The following NRXN3 variants were observed in gnomAD, a reference collection of about 807,000 sequenced individuals.
The protein encoded by NRXN3 is neurexin 3.
Under a neutral mutation model 137.6 loss-of-function variants are expected in NRXN3, and 32 were observed. That is an observed-to-expected ratio of 0.23 (90% CI 0.18 to 0.31). The LOEUF (loss-of-function observed/expected upper bound fraction) is 0.31. Among genes scored for constraint, NRXN3 ranks in the 10% least tolerant of loss-of-function variants. The pLI is 1.00. For synonymous variants in NRXN3, 798 were observed against 784.5 expected, an observed-to-expected ratio of 1.02 and a Z score of -0.29; for missense variants, 1,574 against 2,062.5, an observed-to-expected ratio of 0.76 and a Z score of 4.59.
intron 16 of NRXN3, among the ~76,000 whole-genome samples, chr14:79,475,062 A>G (rs1446808240): frequency 6.6e-6 from 1 of 152,134 alleles, no homozygotes; most frequent in Non-Finnish European, 1.5e-5. Context: ...TGCTAGAACC[A>G]AAGTCCTAAT....
At chr14:78,652,252 C>T (rs1486336406) in intron 6 of NRXN3, among the ~76,000 whole-genome samples, 3 of 152,194 alleles carry the variant, frequency 2.0e-5, no homozygotes, top group African/African-American at 7.2e-5. Flanking sequence ...TTTGCTTCTT[C>T]TTCTTCCCTG....
chr14:79,799,597 C>A (rs562448290), intron 19 of NRXN3, among the ~76,000 whole-genome samples: 32 of 152,266 alleles, frequency 2.1e-4, no homozygotes, highest in African/African-American at 7.0e-4. Flanking sequence ...TCCTCTACTA[C>A]TAGTGGGTGT....
intron 4 of NRXN3, among the ~76,000 whole-genome samples, chr14:78,467,846 C>T (rs2095156371): frequency 1.3e-5 from 2 of 152,092 alleles, no homozygotes; most frequent in African/African-American, 4.8e-5. Flanking sequence ...ACACACCACA[C>T]ACCACAGCCC....
intron 4 of NRXN3, among the ~76,000 whole-genome samples, chr14:78,332,679 AGT>A (rs1237171639): frequency 6.6e-6 from 1 of 152,212 alleles, no homozygotes; most frequent in Non-Finnish European, 1.5e-5. Flanking sequence ...AAAGGCTTTA[AGT>A]GTCATCTAAC....
At chr14:79,697,568 C>G (rs1567924168) in intron 18 of NRXN3, 62 bp from the exon 19 acceptor site, 1 of 1,545,508 alleles carries the variant, frequency 6.5e-7, no homozygotes, top group Non-Finnish European at 8.8e-7. Flanking sequence ...CCATTCAGAC[C>G]AGGTAAGGCA....
chr14:78,249,301 G>A (rs986429806), intron 2 of NRXN3, among the ~76,000 whole-genome samples: 5 of 152,244 alleles, frequency 3.3e-5, no homozygotes, highest in Admixed American at 1.3e-4. Flanking sequence ...ATTTTGCCAG[G>A]AGCCTCAGAG....
At chr14:79,796,116 T>G (rs2099160256) in intron 19 of NRXN3, among the ~76,000 whole-genome samples, 1 of 152,070 alleles carries the variant, frequency 6.6e-6, no homozygotes, top group African/African-American at 2.4e-5. Flanking sequence ...ACAGCACCAA[T>G]AAGAAAGAAG....
At chr14:79,741,183 C>G (rs1221408494) in intron 19 of NRXN3, among the ~76,000 whole-genome samples, 1 of 152,102 alleles carries the variant, frequency 6.6e-6, no homozygotes, top group Non-Finnish European at 1.5e-5. Flanking sequence ...CATTTATCCT[C>G]TAGGACATTT....
At chr14:79,554,988 C>T (rs1005577950) in intron 16 of NRXN3, among the ~76,000 whole-genome samples, 12 of 152,120 alleles carry the variant, frequency 7.9e-5, no homozygotes, top group South Asian at 2.1e-4. Flanking sequence ...ATTAAGTGTA[C>T]ACTATGTGCT....
At chr14:79,492,900 T>A (rs1476076624) in intron 16 of NRXN3, among the ~76,000 whole-genome samples, 1 of 152,234 alleles carries the variant, frequency 6.6e-6, no homozygotes, top group Non-Finnish European at 1.5e-5. Flanking sequence ...AAGCATGTTT[T>A]AATGTTGGAG....
chr14:79,166,790 A>C (rs761209411), intron 15 of NRXN3, among the ~76,000 whole-genome samples: 1 of 151,938 alleles, frequency 6.6e-6, no homozygotes, highest in Non-Finnish European at 1.5e-5. Context: ...TTTGAGCAAG[A>C]TGCTACATCT....
chr14:78,180,878 T>C (rs2153352051), intron 1 of NRXN3, among the ~76,000 whole-genome samples: 1 of 152,274 alleles, frequency 6.6e-6, no homozygotes, highest in East Asian at 1.9e-4. Context: ...TGAGTATAAG[T>C]TCAAGCTGTA....
chr14:78,180,382 G>T (rs958222962), intron 1 of NRXN3, among the ~76,000 whole-genome samples: 1 of 152,198 alleles, frequency 6.6e-6, no homozygotes, highest in African/African-American at 2.4e-5. Flanking sequence ...GTAACAAAAA[G>T]AACCATTTGA....
intron 8 of NRXN3, among the ~76,000 whole-genome samples, chr14:78,765,253 A>C (rs1194241527): frequency 6.6e-6 from 1 of 152,098 alleles, no homozygotes; most frequent in Non-Finnish European, 1.5e-5. Flanking sequence ...TCCTGGGTTC[A>C]AGAAATTCTC....
At chr14:79,291,137 A>C (rs1005763343) in intron 15 of NRXN3, among the ~76,000 whole-genome samples, 1 of 152,138 alleles carries the variant, frequency 6.6e-6, no homozygotes, top group African/African-American at 2.4e-5. Flanking sequence ...TGCATAATGG[A>C]ATGGTCACCT....
intron 19 of NRXN3, among the ~76,000 whole-genome samples, chr14:79,720,413 T>C (rs1307835114): frequency 6.6e-6 from 1 of 152,128 alleles, no homozygotes; most frequent in Non-Finnish European, 1.5e-5. Flanking sequence ...TCCTCTGCCA[T>C]CCTGTTTCAC....
At chr14:79,118,565 C>T (rs1339967447) in intron 15 of NRXN3, among the ~76,000 whole-genome samples, 2 of 152,182 alleles carry the variant, frequency 1.3e-5, no homozygotes, top group African/African-American at 2.4e-5. Context: ...AGTGAGGAAC[C>T]GTGGCAACAT....
chr14:79,483,555 A>G (rs1567247153), intron 16 of NRXN3, among the ~76,000 whole-genome samples: 1 of 152,294 alleles, frequency 6.6e-6, no homozygotes, highest in East Asian at 1.9e-4. Context: ...GGAAGATCAA[A>G]TTTCTCTTTG....
At chr14:79,091,395 T>A (rs371386263) in intron 15 of NRXN3, among the ~76,000 whole-genome samples, 1 of 152,120 alleles carries the variant, frequency 6.6e-6, no homozygotes, top group Non-Finnish European at 1.5e-5. Context: ...TTAATACAAG[T>A]AGTATTTTAT....
Sources: gnomAD v4.1 joint callset for allele counts (sites outside exome capture counted in the v4.1 genomes callset) on GRCh38, gnomAD v4.1.1 for gene constraint, MANE v1.5 for transcripts, NCBI Gene and HGNC (gene_info 2026-07-23, HGNC 2026-07-21) for gene names.